Variants in VAV2 observed in about 807,000 individuals in gnomAD.
VAV2 encodes the protein guanine nucleotide exchange factor VAV2.
A neutral mutation model predicts 132.5 loss-of-function variants in VAV2; 67 were observed. That is an observed-to-expected ratio of 0.51 (90% CI 0.42 to 0.62). The LOEUF is 0.62. Ranked by LOEUF, VAV2 falls within the 20% of genes least tolerant of loss-of-function variation. VAV2 has a pLI of 0.00. For synonymous variants in VAV2, 492 were observed against 443.5 expected (o/e 1.11, Z -1.37); for missense variants, 938 against 1,153.6 (o/e 0.81, Z 2.71).
intron 2 of VAV2, among the ~76,000 whole-genome samples, chr9:133,864,833 A>C (rs1837737813): frequency 6.6e-6 from 1 of 152,220 alleles, no homozygotes; most frequent in African/African-American, 2.4e-5. Context: ...AAGCCCCTCC[A>C]CAATGGACAG....
intron 2 of VAV2, among the ~76,000 whole-genome samples, chr9:133,914,537 A>G (rs981824157): frequency 2.3e-5 from 3 of 132,836 alleles, no homozygotes; most frequent in Admixed American, 7.7e-5. Flanking sequence ...CTGGTGACCA[A>G]GGGCAGTGGG....
intron 21 of VAV2, among the ~76,000 whole-genome samples, chr9:133,779,170 GCC>G (rs763037134): frequency 5.3e-5 from 8 of 152,240 alleles, no homozygotes; most frequent in Non-Finnish European, 1.0e-4. Context: ...CAGATCTGTG[GCC>G]CACAGGCAGC....
intron 3 of VAV2, among the ~76,000 whole-genome samples, chr9:133,855,872 G>C (rs1330685123): frequency 6.6e-6 from 1 of 152,200 alleles, no homozygotes; most frequent in Non-Finnish European, 1.5e-5. Flanking sequence ...TCACAGCAAT[G>C]CTAGTCACAG....
intron 19 of VAV2, among the ~76,000 whole-genome samples, chr9:133,781,528 T>A (rs560113640): frequency 6.6e-6 from 1 of 152,188 alleles, no homozygotes; most frequent in African/African-American, 2.4e-5. Flanking sequence ...CTGTGCCTGA[T>A]GGGGGCTTCC....
rs531978885 is a variant in VAV2 at position 133,885,574 on chromosome 9, G to C, written c.322-24142C>G. Among the ~76,000 whole-genome samples the C allele has an allele frequency of 3.3e-5, 5 of 152,322 alleles. No individual in the cohort carries two copies. The highest frequency in any genetic ancestry group is 1.2e-4 in the African/African-American group (5 of 41,568). On this transcript the variant is annotated intron_variant, in intron 2 of 29. Transcript: ENST00000371850. This position sits in a 1 kb window ranked among gnomAD's most constrained non-coding sequence, Gnocchi z 5.0. ...CATTCAGATTTTACACAAGCAAGGT[G>C]CTCAGGCCGCAGGGGAGACGTGACC...
In VAV2 at chr9:133,840,290, G is replaced by A. The variant is rs1047500300; in HGVS notation, c.381-5950C>T. Among the ~76,000 whole-genome samples the A allele has an allele frequency of 1.3e-5, 2 of 152,136 alleles. No individual in the cohort carries two copies. The highest frequency in any genetic ancestry group is 3.9e-4 in the East Asian group (2 of 5,184). On this transcript the variant is annotated intron_variant, in intron 3 of 29. Transcript: ENST00000371850. The surrounding 1 kb of genome is among the most constrained non-coding windows in gnomAD (Gnocchi z 4.5). ...CGCCGAGGGGACGAAGCAGATGTCC[G>A]CACAGGAAGCAGAGAAGCCCCAAGT...
chr9:133,953,494 C>G (rs1448599114), intron 1 of VAV2, among the ~76,000 whole-genome samples: 5 of 152,232 alleles, frequency 3.3e-5, no homozygotes, highest in Non-Finnish European at 5.9e-5. Flanking sequence ...ACCCTGGACC[C>G]TGGGCCTGGC....
intron 2 of VAV2, among the ~76,000 whole-genome samples, chr9:133,917,441 C>T (rs201298643): frequency 3.5e-4 from 46 of 132,574 alleles, no homozygotes; most frequent in African/African-American, 7.9e-4. Context: ...AAAACTCTTT[C>T]TTTTTTTTTT....
chr9:133,808,494 G>A (rs1245468980), intron 7 of VAV2, among the ~76,000 whole-genome samples: 2 of 152,202 alleles, frequency 1.3e-5, no homozygotes, highest in Non-Finnish European at 1.5e-5. Context: ...GGAGGTGAAG[G>A]CTGATCCTCA....
At chr9:133,903,042 T>C (rs1588342941) in intron 2 of VAV2, among the ~76,000 whole-genome samples, 2 of 134,624 alleles carry the variant, frequency 1.5e-5, no homozygotes, top group Non-Finnish European at 1.5e-5. Flanking sequence ...GCCACTGCAC[T>C]CCAGCCTGGG....
chr9:133,854,089 C>A (rs1837291126), intron 3 of VAV2, among the ~76,000 whole-genome samples: 1 of 151,820 alleles, frequency 6.6e-6, no homozygotes, highest in Admixed American at 6.6e-5. Flanking sequence ...ACATACACCC[C>A]CATCTGCACA....
rs1006128447 is a variant in VAV2, at chr9:133,788,698, C to G, written c.1275-212G>C. ...CAGGAAGCCTTCCTTGGCTCCCTAC[C>G]CCCGTGACTGAGGCTGTGCCAGGAG... is the stretch of plus-strand genomic sequence containing the variant. On this transcript the variant is annotated intron_variant, in intron 14 of 29. Coordinates refer to ENST00000371850, the MANE Select transcript of VAV2 (RefSeq NM_001134398.2). The surrounding 1 kb of genome is among the most constrained non-coding windows in gnomAD (Gnocchi z 5.3). Among the ~76,000 whole-genome samples the G allele has an allele frequency of 1.3e-5, 2 of 152,110 alleles. No individual in the cohort carries two copies. The highest frequency in any genetic ancestry group is 1.5e-5 in the Non-Finnish European group (1 of 68,004).
chr9:133,873,494 G>A (rs1002387390), intron 2 of VAV2, among the ~76,000 whole-genome samples: 6 of 152,210 alleles, frequency 3.9e-5, no homozygotes, highest in African/African-American at 9.7e-5. Context: ...ACAGTGCTCC[G>A]GGCAGACGCT....
At chr9:133,871,447 T>C (rs1030234064) in intron 2 of VAV2, among the ~76,000 whole-genome samples, 3 of 147,460 alleles carry the variant, frequency 2.0e-5, no homozygotes, top group African/African-American at 7.5e-5. Flanking sequence ...GATTGATGGA[T>C]GGATGGATGG....
intron 3 of VAV2, among the ~76,000 whole-genome samples, chr9:133,845,049 G>A (rs1187898710): frequency 6.6e-6 from 1 of 152,252 alleles, no homozygotes; most frequent in African/African-American, 2.4e-5. Flanking sequence ...CTGGGCCAGT[G>A]GAGGTCTGTT....
At chr9:133,778,168 GGGGATGAACGCCCACAAAGGTCCCC>G (rs138785777) in intron 22 of VAV2, among the ~76,000 whole-genome samples, 43,980 of 151,872 alleles carry the variant, frequency 0.29, 8,658 homozygotes, top group African/African-American at 0.56. Context: ...TGCTGAAGGT[GGGGATGAACGCCCACAAAGGTCCCC>G]GGGATGAACG....
intron 2 of VAV2, among the ~76,000 whole-genome samples, chr9:133,927,484 T>C (rs1464391272): frequency 6.6e-6 from 1 of 152,112 alleles, no homozygotes; most frequent in Non-Finnish European, 1.5e-5. Context: ...TTTCAACAAA[T>C]AGGGCTGGGA....
intron 2 of VAV2, among the ~76,000 whole-genome samples, chr9:133,881,061 C>CT (rs34440459): frequency 0.14 from 21,048 of 152,244 alleles, 1,532 homozygotes; most frequent in South Asian, 0.2. Context: ...CAGCCCAGAG[C>CT]TGGGGGCCAT....
At chr9:133,806,260 G>T in intron 8 of VAV2, 79 bp from the exon 9 acceptor site, 1 of 1,408,374 alleles carries the variant, frequency 7.1e-7, no homozygotes, top group Non-Finnish European at 9.8e-7. Context: ...AAGTGCCCTT[G>T]TTGTTCTGTA....
Sources: allele counts gnomAD v4.1 joint callset (sites outside exome capture counted in the v4.1 genomes callset), GRCh38; gene constraint gnomAD v4.1.1; non-coding constraint Gnocchi (gnomAD v3.1); transcripts MANE v1.5; gene names NCBI Gene and HGNC (gene_info 2026-07-23, HGNC 2026-07-21).